The following ADGRB1 variants were observed in gnomAD, a reference collection of about 807,000 sequenced individuals.
ADGRB1 encodes the protein brain-specific angiogenesis inhibitor 1.
Under a neutral mutation model 175.7 loss-of-function variants are expected in ADGRB1, and 36 were observed. The observed-to-expected ratio is 0.20, with a 90% CI of 0.16 to 0.27. The LOEUF (loss-of-function observed/expected upper bound fraction) is 0.27. Among genes scored for constraint, ADGRB1 ranks in the 10% least tolerant of loss-of-function variants. The probability of loss-of-function intolerance (pLI) is 1.00; values close to 1 mark genes in which losing one functional copy is unlikely to be tolerated. For missense variants in ADGRB1, 1,731 were observed against 2,255.3 expected, an observed-to-expected ratio of 0.77 and a Z score of 4.71; for synonymous variants, 1,054 against 979.4, an observed-to-expected ratio of 1.08 and a Z score of -1.42.
chr8:142,491,296 G>T (rs1251090989), intron 17 of ADGRB1, among the ~76,000 whole-genome samples: 1 of 152,258 alleles, frequency 6.6e-6, no homozygotes, highest in Admixed American at 6.5e-5. Flanking sequence ...TGTGCCAGTT[G>T]CAGGCCAAGC....
chr8:142,464,727 G>T lies in ADGRB1; in HGVS notation c.529G>T (p.Gly177Trp). Residue 177 changes from glycine (G) to tryptophan (W), a missense_variant, in exon 2 of 31, where the codon GGG becomes TGG. This residue lies in a region of ADGRB1 where 383 missense variants were observed against 383.1 expected (regional missense o/e 1.00). Coordinates refer to ENST00000517894, the MANE Select transcript of ADGRB1 (RefSeq NM_001702.3). ...DDFSVEYLVVGNRNPSRAACQ... is the reference protein window; with the variant it reads ...DDFSVEYLVVWNRNPSRAACQ... ...CTTCTCCGTGGAGTACCTGGTGGTG[G>T]GGAACCGCAACCCCAGCCGTGCCGC... The T allele has an allele frequency of 6.5e-7, 1 of 1,533,992 alleles. No homozygotes were observed. Among genetic ancestry groups the T allele is most frequent in the Non-Finnish European group, 8.7e-7 (1 of 1,145,558 alleles).
At chr8:142,522,856 G>A (rs1843932701) in intron 22 of ADGRB1, 146 bp downstream of exon 22, 3 of 939,180 alleles carry the variant, frequency 3.2e-6, no homozygotes, top group Non-Finnish European at 2.9e-6. Context: ...GGCCCCAGGG[G>A]CTGGAGGCTG....
In ADGRB1 at chr8:142,537,170, C is replaced by T. The variant is rs1418400969; in HGVS notation, c.3666+88C>T. On this transcript the variant is annotated intron_variant, in intron 26 of 30. Coordinates refer to ENST00000517894, the MANE Select transcript of ADGRB1 (RefSeq NM_001702.3). The surrounding 1 kb of genome is among the most constrained non-coding windows in gnomAD (Gnocchi z 4.6). ...CCAGGCCCTCACCGTGCCCCAAGCT[C>T]CCCTAGGCCCCAGCAACCCTGCTGA... The T allele has an allele frequency of 3.8e-6, 4 of 1,064,222 alleles. No homozygotes were observed. Among genetic ancestry groups the T allele is most frequent in the Admixed American group, 3.3e-5 (1 of 30,082 alleles). The allele number at this position is 1,064,222 out of a possible 1,614,324, so 65.9% of individuals were successfully genotyped here.
chr8:142,526,705 A>G, intron 24 of ADGRB1, 78 bp downstream of exon 24: 1 of 1,373,718 alleles, frequency 7.3e-7, no homozygotes, highest in Non-Finnish European at 1.0e-6. Context: ...GGGATGGAGA[A>G]CGCTCCATGC....
At chr8:142,518,099 G>A in intron 18 of ADGRB1, 39 bp from the exon 19 acceptor site, 2 of 1,595,412 alleles carry the variant, frequency 1.3e-6, no homozygotes, top group Non-Finnish European at 1.7e-6. Context: ...GGGCGAGTGG[G>A]GTGCCTCACT....
intron 14 of ADGRB1, 99 bp downstream of exon 14, chr8:142,488,606 T>C: frequency 8.7e-6 from 13 of 1,489,028 alleles, no homozygotes; most frequent in Non-Finnish European, 1.1e-5. Flanking sequence ...TGCCTCAGAG[T>C]TGGGCGGTTC....
chr8:142,484,710 A>G lies in ADGRB1; in HGVS notation c.2254A>G (p.Ile752Val), dbSNP rs371264237. 1.5e-4 allele frequency: 245 copies of G among 1,612,202 alleles called. No individual in the cohort carries two copies. Among genetic ancestry groups the G allele is most frequent in the Non-Finnish European group, 2.0e-4 (234 of 1,179,394 alleles). The change falls in exon 13 of 31, where the codon ATC (isoleucine) becomes GTC (valine). Residue 752 changes from isoleucine to valine, a missense_variant. Physicochemically the swap from Ile to Val is conservative, Grantham distance 29 (BLOSUM62 3). Around this residue, in one of 8 missense-constraint regions of ADGRB1, gnomAD observed 388 missense variants for 630.9 expected, o/e 0.61. Transcript: ENST00000517894. ...GCTGGTGGAGGACTTTGTGGACGTC[A>G]TCGGCTTCCGCATGAAGGACCTGAG... ...FRLVEDFVDV[I>V]GFRMKDLRDA... is the part of the protein sequence containing the mutation.
rs80114748 is a variant in ADGRB1 at position 142,516,034 on chromosome 8, G to A, written c.2818-2104G>A. Among the ~76,000 whole-genome samples, 86 of 152,360 alleles carry A rather than the reference G, an allele frequency of 5.6e-4. 2 individuals carry two copies. In the East Asian group the frequency reaches 0.013, roughly 24 times the overall value. ...GTGCTTCTGCACACGAAGAGAAGGC[G>A]ACTCTTGTTCCAGGGAGGCACAGCT... On this transcript the variant is annotated intron_variant, in intron 18 of 30. Coordinates refer to ENST00000517894, the MANE Select transcript of ADGRB1 (RefSeq NM_001702.3).
intron 18 of ADGRB1, among the ~76,000 whole-genome samples, chr8:142,514,598 G>C (rs1480381281): frequency 6.6e-6 from 1 of 152,198 alleles, no homozygotes; most frequent in Non-Finnish European, 1.5e-5. Context: ...TTGGAAGGTT[G>C]TGACCAGGGT....
rs1843086943 is a variant in ADGRB1 at position 142,511,259 on chromosome 8, C to A, written c.2817+186C>A. On this transcript the variant is annotated intron_variant, in intron 18 of 30. Transcript: ENST00000517894. The surrounding 1 kb of genome is among the most constrained non-coding windows in gnomAD (Gnocchi z 4.5). ...GCCTCTGGAGAGGGTGGGTGGGCGCCGAGCGGGTGGCAGTGTGGAGTTGGA... is the reference window on the plus strand; with the variant it reads ...GCCTCTGGAGAGGGTGGGTGGGCGCAGAGCGGGTGGCAGTGTGGAGTTGGA... Among the ~76,000 whole-genome samples the A allele has an allele frequency of 6.6e-6, 1 of 151,588 alleles. No homozygotes were observed. The highest frequency in any genetic ancestry group is 2.4e-5 in the African/African-American group (1 of 41,286).
intron 2 of ADGRB1, among the ~76,000 whole-genome samples, chr8:142,468,219 T>C (rs186681101): frequency 4.3e-4 from 66 of 152,114 alleles, no homozygotes; most frequent in Admixed American, 3.7e-3. Context: ...CGTGTGTGTG[T>C]GTGTGTGCGT....
intron 25 of ADGRB1, among the ~76,000 whole-genome samples, chr8:142,534,930 C>T (rs953734929): frequency 2.6e-5 from 4 of 152,142 alleles, no homozygotes; most frequent in African/African-American, 4.8e-5. Flanking sequence ...CCAGGGAGCT[C>T]GTCACAGGAG....
At chr8:142,529,211 A>G (rs1030720295) in intron 24 of ADGRB1, among the ~76,000 whole-genome samples, 2 of 152,014 alleles carry the variant, frequency 1.3e-5, no homozygotes, top group Non-Finnish European at 2.9e-5. Context: ...CATGTGTGTG[A>G]GTGTGCATGC....
chr8:142,486,471 G>A (rs373969910), intron 13 of ADGRB1, among the ~76,000 whole-genome samples: 4 of 152,090 alleles, frequency 2.6e-5, no homozygotes, highest in African/African-American at 4.8e-5. Flanking sequence ...TATTCATCTC[G>A]GCACAAGGTG....
intron 16 of ADGRB1, 98 bp downstream of exon 16, chr8:142,489,536 C>G (rs1841884483): frequency 7.6e-7 from 1 of 1,320,208 alleles, no homozygotes; most frequent in Admixed American, 1.7e-5. Context: ...GGCCTCCTCA[C>G]AACAGCTTTA....
At chr8:142,513,736 C>T (rs979152366) in intron 18 of ADGRB1, among the ~76,000 whole-genome samples, 1 of 152,016 alleles carries the variant, frequency 6.6e-6, no homozygotes, top group Non-Finnish European at 1.5e-5. Context: ...GAAGTGGGGT[C>T]CTGAGGGGTG....
In ADGRB1 at chr8:142,543,276, G is replaced by A. The variant is rs748454145; in HGVS notation, c.4414-127G>A. ...GTGCGCCCCCAGGCATGTCCCCTGG[G>A]TCTGGCCTGGTCCCTGAAGGCAGGC... is the stretch of plus-strand genomic sequence containing the variant. On this transcript the variant is annotated intron_variant, in intron 28 of 30. Transcript: ENST00000517894. This position sits in a 1 kb window ranked among gnomAD's most constrained non-coding sequence, Gnocchi z 4.4. The A allele has an allele frequency of 2.3e-6, 3 of 1,283,784 alleles. No individual in the cohort carries two copies. The highest frequency in any genetic ancestry group is 3.3e-6 in the Non-Finnish European group (3 of 912,488). 79.5% of individuals were successfully genotyped at this position (1,283,784 alleles called of 1,614,324 possible).
chr8:142,496,858 C>T (rs543470780), intron 17 of ADGRB1, among the ~76,000 whole-genome samples: 15 of 152,288 alleles, frequency 9.8e-5, no homozygotes, highest in Non-Finnish European at 1.5e-4. Flanking sequence ...CTCCCAAGTC[C>T]GTATTGACCA....
intron 13 of ADGRB1, among the ~76,000 whole-genome samples, chr8:142,486,257 C>T (rs1841664595): frequency 6.6e-6 from 1 of 152,186 alleles, no homozygotes; most frequent in Non-Finnish European, 1.5e-5. Context: ...AGAGCGGCTT[C>T]CCATCGCATC....
Sources: allele counts gnomAD v4.1 joint callset (sites outside exome capture counted in the v4.1 genomes callset), GRCh38; gene constraint gnomAD v4.1.1; regional missense constraint gnomAD v4.1.1; non-coding constraint Gnocchi (gnomAD v3.1); transcripts MANE v1.5; gene names NCBI Gene and HGNC (gene_info 2026-07-23, HGNC 2026-07-21).